CWH43: variants seen among roughly 807,000 people sequenced by gnomAD.
CWH43 encodes cell wall biogenesis 43 C-terminal homolog.
CWH43 carries 91 observed loss-of-function variants against 85.7 expected under a neutral mutation model. The ratio of observed to expected loss-of-function variants is 1.06; its 90% CI spans 0.90 to 1.26. CWH43 has a LOEUF of 1.26. CWH43 is among the 50% of genes most tolerant of loss of function. The probability of loss-of-function intolerance (pLI) is 0.00; values close to 1 mark genes in which losing one functional copy is unlikely to be tolerated. For missense variants in CWH43, 869 were observed against 839.2 expected, an observed-to-expected ratio of 1.04 and a Z score of -0.44; for synonymous variants, 323 against 293.6, an observed-to-expected ratio of 1.10 and a Z score of -1.02.
At chr4:49,006,894 A>T (rs953049505) in intron 7 of CWH43, among the ~76,000 whole-genome samples, 1 of 152,196 alleles carries the variant, frequency 6.6e-6, no homozygotes, top group African/African-American at 2.4e-5. Context: ...TCCCCTGCCC[A>T]ATCAACAGTC....
intron 15 of CWH43, among the ~76,000 whole-genome samples, chr4:49,059,504 T>G (rs1785071854): frequency 6.6e-6 from 1 of 152,232 alleles, no homozygotes; most frequent in African/African-American, 2.4e-5. Context: ...TCATGTTTCC[T>G]TGATTATTTA....
intron 13 of CWH43, among the ~76,000 whole-genome samples, chr4:49,039,834 T>A (rs553541771): frequency 6.6e-6 from 1 of 152,192 alleles, no homozygotes; most frequent in East Asian, 1.9e-4. Context: ...CATGTTGGTA[T>A]GCTGCACCCA....
At chr4:49,018,154 C>G (rs13132977) in intron 9 of CWH43, among the ~76,000 whole-genome samples, 89,562 of 151,912 alleles carry the variant, frequency 0.59, 29,459 homozygotes, top group Admixed American at 0.76. Context: ...TTTAAAACAA[C>G]CAGATCTCAT....
intron 8 of CWH43, chr4:49,016,756 T>C: frequency 1.3e-6 from 1 of 778,038 alleles, no homozygotes; most frequent in Non-Finnish European, 2.4e-6. Context: ...CCAGCTTCCC[T>C]TGCATCTAGC....
intron 10 of CWH43, among the ~76,000 whole-genome samples, chr4:49,028,945 A>G (rs1396153611): frequency 2.0e-5 from 3 of 152,140 alleles, no homozygotes; most frequent in Admixed American, 6.5e-5. Context: ...GTTTGAGAGC[A>G]ATTAATTCAG....
At chr4:49,040,463 T>C (rs1338141194) in intron 13 of CWH43, among the ~76,000 whole-genome samples, 6 of 152,218 alleles carry the variant, frequency 3.9e-5, no homozygotes, top group Non-Finnish European at 5.9e-5. Flanking sequence ...TGGTATCTCA[T>C]TGTGGTTTTG....
intron 13 of CWH43, among the ~76,000 whole-genome samples, chr4:49,043,983 A>G (rs1784545946): frequency 6.6e-6 from 1 of 152,104 alleles, no homozygotes; most frequent in African/African-American, 2.4e-5. Context: ...ATAAATTGTG[A>G]TGTATTCTTT....
At position 49,007,323 on chromosome 4, in the gene CWH43, C is replaced by G; in HGVS notation, c.1183C>G (p.Leu395Val). 6.3e-7 allele frequency: 1 copy of G among 1,588,644 alleles called. No homozygotes were observed. The highest frequency in any genetic ancestry group is 8.5e-7 in the Non-Finnish European group (1 of 1,170,746). The change falls in exon 8 of 16, where the codon CTT (leucine) becomes GTT (valine). Residue 395 changes from leucine (L) to valine (V), a missense_variant. Leu to Val is a conservative substitution (Grantham distance 32, BLOSUM62 1). Coordinates refer to ENST00000226432, the MANE Select transcript of CWH43 (RefSeq NM_025087.3). ...CAGAAAGAGTGAAAAATACATGAAA[C>G]TTTGTAAGTATAGTTTTACATTCTT... ...LFRKSEKYMK[L>V]FLWLLVGVGL...
chr4:48,996,295 G>A (rs1782810246), intron 5 of CWH43, among the ~76,000 whole-genome samples: 1 of 108,474 alleles, frequency 9.2e-6, no homozygotes, highest in African/African-American at 2.8e-5. Flanking sequence ...TGTTATATAT[G>A]TGTACACACA....
chr4:48,990,278 T>G (rs1016617213), intron 2 of CWH43, among the ~76,000 whole-genome samples: 2 of 152,298 alleles, frequency 1.3e-5, no homozygotes, highest in East Asian at 3.9e-4. Context: ...TTTGGAAATA[T>G]GGAATAGGTA....
chr4:49,005,063 T>C (rs574224097), intron 7 of CWH43, among the ~76,000 whole-genome samples: 2 of 152,322 alleles, frequency 1.3e-5, no homozygotes, highest in Non-Finnish European at 1.5e-5. Context: ...AAAAACATGT[T>C]AATAAGGGAT....
intron 10 of CWH43, 55 bp downstream of exon 10, chr4:49,028,789 A>C: frequency 8.4e-7 from 1 of 1,191,326 alleles, no homozygotes; most frequent in Non-Finnish European, 1.2e-6. Flanking sequence ...TGTTACTTTT[A>C]TTTTCAGCAG....
intron 13 of CWH43, among the ~76,000 whole-genome samples, chr4:49,039,628 G>T (rs1324949841): frequency 6.6e-6 from 1 of 150,944 alleles, no homozygotes; most frequent in African/African-American, 2.4e-5. Flanking sequence ...TCTTCTTAGG[G>T]TGTAACATTA....
At chr4:49,018,449 A>G (rs1448933963) in intron 9 of CWH43, among the ~76,000 whole-genome samples, 3 of 152,226 alleles carry the variant, frequency 2.0e-5, no homozygotes, top group Non-Finnish European at 2.9e-5. Context: ...GAATACAGCA[A>G]TGTGAGATTC....
chr4:48,991,808 T>C, intron 3 of CWH43, 128 bp from the exon 4 acceptor site: 1 of 937,184 alleles, frequency 1.1e-6, no homozygotes, highest in Non-Finnish European at 1.6e-6. Flanking sequence ...AGAGGCTAAA[T>C]CACATTCATT....
chr4:49,019,306 T>C (rs1437523903), intron 9 of CWH43, among the ~76,000 whole-genome samples: 1 of 151,916 alleles, frequency 6.6e-6, no homozygotes, highest in Non-Finnish European at 1.5e-5. Context: ...GAGGTGACAT[T>C]TGAGATGAAA....
intron 9 of CWH43, among the ~76,000 whole-genome samples, chr4:49,019,282 G>C (rs1783662161): frequency 6.6e-6 from 1 of 152,200 alleles, no homozygotes; most frequent in South Asian, 2.1e-4. Context: ...GGGGATTAGA[G>C]AAAACTGTCT....
intron 5 of CWH43, among the ~76,000 whole-genome samples, chr4:48,996,061 T>G (rs1782801860): frequency 6.6e-6 from 1 of 151,990 alleles, no homozygotes; most frequent in Admixed American, 6.6e-5. Flanking sequence ...CTTATCCTCC[T>G]GCTTCACCTG....
At chr4:49,060,132 C>G (rs1785101394) in intron 15 of CWH43, among the ~76,000 whole-genome samples, 1 of 151,706 alleles carries the variant, frequency 6.6e-6, no homozygotes, top group African/African-American at 2.4e-5. Context: ...CTGGAACTGG[C>G]AATGCTGTCC....
Sources: gnomAD v4.1 joint callset for allele counts (sites outside exome capture counted in the v4.1 genomes callset) on GRCh38, gnomAD v4.1.1 for gene constraint, MANE v1.5 for transcripts, NCBI Gene and HGNC (gene_info 2026-07-23, HGNC 2026-07-21) for gene names.